ATL1: variants seen among roughly 807,000 people sequenced by gnomAD.
ATL1 encodes the protein atlastin-1.
Under a neutral mutation model 75.5 loss-of-function variants are expected in ATL1, and 31 were observed. The ratio of observed to expected loss-of-function variants is 0.41; its 90% CI spans 0.31 to 0.55. The LOEUF (loss-of-function observed/expected upper bound fraction) is 0.55. Among genes scored for constraint, ATL1 ranks in the 20% least tolerant of loss-of-function variants. The pLI is 0.27. For missense variants in ATL1, 405 were observed against 662.6 expected (o/e 0.61, Z 4.27); for synonymous variants, 226 against 233.3 (o/e 0.97, Z 0.28).
At chr14:50,629,924 T>A in intron 12 of ATL1, 71 bp from the exon 13 acceptor site, 1 of 1,189,814 alleles carries the variant, frequency 8.4e-7, no homozygotes, top group Non-Finnish European at 1.2e-6. Flanking sequence ...GTAAGCAAAG[T>A]TGATTATAAT....
intron 1 of ATL1, among the ~76,000 whole-genome samples, chr14:50,546,577 A>C (rs2140153602): frequency 6.6e-6 from 1 of 152,330 alleles, no homozygotes; most frequent in Admixed American, 6.5e-5. Context: ...TATTGGTAAA[A>C]TAAAATAGAA....
intron 1 of ATL1, among the ~76,000 whole-genome samples, chr14:50,563,824 T>C (rs548973968): frequency 6.6e-6 from 1 of 152,308 alleles, no homozygotes; most frequent in Non-Finnish European, 1.5e-5. Flanking sequence ...TCTTAAGATG[T>C]TTGAATAAAT....
chr14:50,591,536 T>C lies in ATL1; in HGVS notation c.419T>C (p.Val140Ala). 6.2e-7 allele frequency: 1 copy of C among 1,606,670 alleles called. No individual in the cohort carries two copies. The highest frequency in any genetic ancestry group is 1.3e-5 in the African/African-American group (1 of 74,856). ...FLINKPDGKK[V>A]AVLLMDTQGT... ...ATAATGTACTCTTCTTGCCTGTAGGTTGCAGTGTTATTGATGGATACTCAG... is the reference window on the plus strand; with the variant it reads ...ATAATGTACTCTTCTTGCCTGTAGGCTGCAGTGTTATTGATGGATACTCAG... The change falls in exon 4 of 14, where the codon GTT becomes GCT. Residue 140 changes from valine (V) to alanine (A), a missense_variant and splice_region_variant. Physicochemically the swap from Val to Ala is moderately conservative, Grantham distance 64. This residue lies in a region of ATL1 where 126 missense variants were observed against 172.0 expected (regional missense o/e 0.73). Coordinates refer to ENST00000358385, the MANE Select transcript of ATL1 (RefSeq NM_015915.5).
intron 2 of ATL1, 101 bp from the exon 3 acceptor site, chr14:50,590,840 C>T: frequency 7.7e-7 from 1 of 1,292,128 alleles, no homozygotes. Flanking sequence ...ATGTTGTTTC[C>T]TTTTAACTCG....
At chr14:50,625,642 G>A (rs1420847485) in intron 11 of ATL1, among the ~76,000 whole-genome samples, 1 of 152,116 alleles carries the variant, frequency 6.6e-6, no homozygotes, top group East Asian at 1.9e-4. Context: ...GCTAGGCCGG[G>A]CACGATGGCT....
intron 1 of ATL1, among the ~76,000 whole-genome samples, chr14:50,548,788 G>C (rs1257308832): frequency 6.6e-6 from 1 of 152,118 alleles, no homozygotes; most frequent in Non-Finnish European, 1.5e-5. Context: ...GGGATTACAG[G>C]TGTGAGCCAC....
At chr14:50,562,151 TCTC>T (rs1320291663) in intron 1 of ATL1, among the ~76,000 whole-genome samples, 2 of 152,064 alleles carry the variant, frequency 1.3e-5, no homozygotes, top group Non-Finnish European at 2.9e-5. Flanking sequence ...TTCACGCCAT[TCTC>T]CTGCCTCAAC....
At chr14:50,559,915 C>CT (rs1174056942), upstream of ATL1, 1 of 365,198 alleles carries the variant, frequency 2.7e-6, no homozygotes. Context: ...CTGTTAAATT[C>CT]TTTGAGAGTG....
intron 3 of ATL1, 49 bp downstream of exon 3, chr14:50,591,124 T>C: frequency 6.4e-7 from 1 of 1,573,924 alleles, no homozygotes; most frequent in South Asian, 1.1e-5. Context: ...TTATAACAGT[T>C]ACTACTTTTT....
intron 1 of ATL1, among the ~76,000 whole-genome samples, chr14:50,576,423 C>T (rs2039006766): frequency 6.6e-6 from 1 of 152,178 alleles, no homozygotes; most frequent in South Asian, 2.1e-4. Flanking sequence ...TAGTTTCCAT[C>T]TGGTTTACTT....
intron 6 of ATL1, among the ~76,000 whole-genome samples, chr14:50,608,734 A>G (rs1439755624): frequency 6.6e-6 from 1 of 152,032 alleles, no homozygotes; most frequent in South Asian, 2.1e-4. Flanking sequence ...AAATCCACAT[A>G]CTTGGTTTCA....
At chr14:50,562,704 T>C (rs150090163) in intron 1 of ATL1, among the ~76,000 whole-genome samples, 34 of 152,344 alleles carry the variant, frequency 2.2e-4, no homozygotes, top group Middle Eastern at 3.4e-3. Flanking sequence ...GAAATTATTA[T>C]AGAAAAGAAA....
chr14:50,550,062 G>T (rs113810508), intron 1 of ATL1, among the ~76,000 whole-genome samples: 6,046 of 152,266 alleles, frequency 0.04, 378 homozygotes, highest in African/African-American at 0.14. Context: ...GCTGGAGGGT[G>T]AATGAAGGCT....
chr14:50,577,639 A>G (rs1308046630), intron 1 of ATL1, among the ~76,000 whole-genome samples: 1 of 152,144 alleles, frequency 6.6e-6, no homozygotes, highest in Non-Finnish European at 1.5e-5. Context: ...GAAACCTTAT[A>G]TCTGTTAGCC....
chr14:50,545,051 A>G (rs1018980790), intron 1 of ATL1, among the ~76,000 whole-genome samples: 3 of 152,092 alleles, frequency 2.0e-5, no homozygotes, highest in Admixed American at 6.5e-5. Context: ...GCTGTGAGCC[A>G]AGGCCATGAT....
intron 1 of ATL1, among the ~76,000 whole-genome samples, chr14:50,565,097 G>T (rs984164155): frequency 3.3e-5 from 5 of 151,940 alleles, no homozygotes; most frequent in Non-Finnish European, 5.9e-5. Flanking sequence ...GACCAGCCTG[G>T]GTAACACGGT....
At chr14:50,614,320 C>A in intron 7 of ATL1, 53 bp from the exon 8 acceptor site, 2 of 1,598,474 alleles carry the variant, frequency 1.3e-6, no homozygotes, top group Non-Finnish European at 1.7e-6. Flanking sequence ...CACAGAATTC[C>A]TTTGCATAAT....
intron 1 of ATL1, among the ~76,000 whole-genome samples, chr14:50,551,208 C>A (rs886285915): frequency 2.6e-5 from 4 of 151,984 alleles, no homozygotes; most frequent in African/African-American, 7.3e-5. Context: ...ATAACTGATA[C>A]TACAGAAATA....
intron 1 of ATL1, among the ~76,000 whole-genome samples, chr14:50,568,548 T>A (rs2038926002): frequency 6.6e-6 from 1 of 152,214 alleles, no homozygotes; most frequent in Non-Finnish European, 1.5e-5. Flanking sequence ...CCACTTTCAA[T>A]CTGCTTGTGT....
Sources: allele counts gnomAD v4.1 joint callset (sites outside exome capture counted in the v4.1 genomes callset), GRCh38; gene constraint gnomAD v4.1.1; regional missense constraint gnomAD v4.1.1; transcripts MANE v1.5; gene names NCBI Gene and HGNC (gene_info 2026-07-23, HGNC 2026-07-21).